HECW1: variants seen among roughly 807,000 people sequenced by gnomAD.
HECW1 encodes E3 ubiquitin-protein ligase HECW1.
Under a neutral mutation model 182.3 loss-of-function variants are expected in HECW1, and 61 were observed. The observed-to-expected ratio is 0.33, with a 90% CI of 0.27 to 0.41. The LOEUF (loss-of-function observed/expected upper bound fraction) is 0.41. Ranked by LOEUF, HECW1 falls within the 10% of genes least tolerant of loss-of-function variation. The pLI, the probability that HECW1 is intolerant of heterozygous loss-of-function variation, is 1.00. For missense variants in HECW1, 1,739 were observed against 2,108.9 expected (o/e 0.82, Z 3.44); for synonymous variants, 859 against 832.6 (o/e 1.03, Z -0.55).
rs111671101 is a variant in HECW1, at chr7:43,140,535, G to A, written c.-32+26144G>A. Among the ~76,000 whole-genome samples, 748 of 152,264 alleles carry A rather than the reference G, an allele frequency of 4.9e-3. 3 individuals are homozygous for A. The highest frequency in any genetic ancestry group is 0.017 in the African/African-American group (705 of 41,546). ...ATCGAATCCATCGTTTCTGGCCTTCGTGGTCCCTCATTTATCTTCTTTTGT... is the reference window on the plus strand; with the variant it reads ...ATCGAATCCATCGTTTCTGGCCTTCATGGTCCCTCATTTATCTTCTTTTGT... On this transcript the variant is annotated intron_variant, in intron 2 of 29. Coordinates refer to ENST00000395891, the MANE Select transcript of HECW1 (RefSeq NM_015052.5).
rs554600178 is a variant in HECW1, at chr7:43,194,281, G to A, written c.-31-49594G>A. 4 of 152,222 alleles carry A rather than the reference G, an allele frequency of 2.6e-5. No individual in the cohort carries two copies. In the East Asian group the frequency reaches 7.7e-4, roughly 29 times the overall value. 9.4% of individuals were successfully genotyped at this position (152,222 alleles called of 1,614,324 possible). ...CCATGGTAATTTCTGTATTTAGTCA[G>A]CATTTAATCACTAAAACTTAATCTT... On this transcript the variant is annotated intron_variant, in intron 2 of 29. Transcript: ENST00000395891.
intron 2 of HECW1, among the ~76,000 whole-genome samples, chr7:43,205,340 C>A (rs1009056501): frequency 3.9e-5 from 6 of 152,138 alleles, no homozygotes; most frequent in African/African-American, 1.4e-4. Context: ...GCCTTGGCCT[C>A]CCAAACAAAC....
intron 28 of HECW1, among the ~76,000 whole-genome samples, chr7:43,553,293 G>T (rs1014597302): frequency 6.6e-6 from 1 of 152,134 alleles, no homozygotes; most frequent in Non-Finnish European, 1.5e-5. Flanking sequence ...TAGAGAGTGA[G>T]CTGGGGGCAT....
chr7:43,277,183 C>T lies in HECW1; in HGVS notation c.27+33251C>T, dbSNP rs79989657. Among the ~76,000 whole-genome samples the T allele has an allele frequency of 5.7e-3, 867 of 152,294 alleles. 4 individuals are homozygous for T. Among genetic ancestry groups the T allele is most frequent in the Middle Eastern group, 0.027 (8 of 294 alleles). Reference sequence around the variant, plus strand: ...GAAGATGAACAAACCTCCCTTATCTCCTCTCCATCCTCCTACTCAGGCAAT... The same window carrying T: ...GAAGATGAACAAACCTCCCTTATCTTCTCTCCATCCTCCTACTCAGGCAAT... On this transcript the variant is annotated intron_variant, in intron 3 of 29. Coordinates refer to ENST00000395891, the MANE Select transcript of HECW1 (RefSeq NM_015052.5).
chr7:43,338,539 G>A (rs925997805), intron 5 of HECW1, among the ~76,000 whole-genome samples: 3 of 152,008 alleles, frequency 2.0e-5, no homozygotes, highest in Admixed American at 1.3e-4. Flanking sequence ...TGCTTAGCTC[G>A]TTGGTTTGTA....
intron 2 of HECW1, among the ~76,000 whole-genome samples, chr7:43,196,219 T>C (rs1476826544): frequency 6.6e-6 from 1 of 152,196 alleles, no homozygotes; most frequent in Non-Finnish European, 1.5e-5. Context: ...CTCCTTCCTC[T>C]CCAATACTGT....
At chr7:43,278,581 C>T (rs1473051084) in intron 3 of HECW1, among the ~76,000 whole-genome samples, 2 of 152,108 alleles carry the variant, frequency 1.3e-5, no homozygotes, top group Admixed American at 6.5e-5. Context: ...CCATGGCCTC[C>T]GAGGCTCTAT....
At chr7:43,286,072 C>T (rs1804599208) in intron 3 of HECW1, among the ~76,000 whole-genome samples, 1 of 151,948 alleles carries the variant, frequency 6.6e-6, no homozygotes, top group Admixed American at 6.6e-5. Context: ...GAGCCATGTC[C>T]AAGATGGAAA....
chr7:43,377,908 C>G (rs1445101379), intron 6 of HECW1: 1 of 189,072 alleles, frequency 5.3e-6, no homozygotes, highest in Admixed American at 6.2e-5. Context: ...AATGGCTGCT[C>G]TGGCAGAACA....
intron 11 of HECW1, 118 bp downstream of exon 11, chr7:43,445,688 T>C: frequency 8.0e-7 from 1 of 1,248,946 alleles, no homozygotes; most frequent in Non-Finnish European, 1.1e-6. Context: ...GCTGGGGCAA[T>C]GTATGCCTGT....
chr7:43,201,245 G>C (rs1417582670), intron 2 of HECW1, among the ~76,000 whole-genome samples: 3 of 152,204 alleles, frequency 2.0e-5, no homozygotes, highest in African/African-American at 7.2e-5. Flanking sequence ...CACTCCAATG[G>C]AAGAGGCAGT....
intron 7 of HECW1, among the ~76,000 whole-genome samples, chr7:43,405,279 AAT>A (rs1001728902): frequency 6.6e-6 from 1 of 151,962 alleles, no homozygotes; most frequent in Non-Finnish European, 1.5e-5. Context: ...TTCACACTCT[AAT>A]AAGTCAGGAT....
intron 3 of HECW1, among the ~76,000 whole-genome samples, chr7:43,287,950 C>G (rs973533231): frequency 6.6e-6 from 1 of 152,148 alleles, no homozygotes; most frequent in Non-Finnish European, 1.5e-5. Flanking sequence ...GGGAAGAGCA[C>G]ATTTAAGGCT....
At chr7:43,355,923 A>C (rs1019894319) in intron 5 of HECW1, among the ~76,000 whole-genome samples, 1 of 152,186 alleles carries the variant, frequency 6.6e-6, no homozygotes, top group Non-Finnish European at 1.5e-5. Flanking sequence ...CAGGAGGCGG[A>C]GGTTGCAGTG....
At chr7:43,371,003 T>C (rs1817285380) in intron 6 of HECW1, among the ~76,000 whole-genome samples, 1 of 151,762 alleles carries the variant, frequency 6.6e-6, no homozygotes, top group South Asian at 2.1e-4. Flanking sequence ...TTCTACTGCC[T>C]CAGCCTCCCG....
chr7:43,228,903 GA>G (rs1797655231), intron 2 of HECW1, among the ~76,000 whole-genome samples: 2 of 152,142 alleles, frequency 1.3e-5, no homozygotes, highest in South Asian at 4.1e-4. Flanking sequence ...AAAAGAAAAG[GA>G]AAAACAAATG....
intron 7 of HECW1, among the ~76,000 whole-genome samples, chr7:43,400,153 T>G (rs547069928): frequency 6.6e-6 from 1 of 152,318 alleles, no homozygotes; most frequent in East Asian, 1.9e-4. Context: ...GGAGGATCAC[T>G]TGAGCCCAGG....
At chr7:43,353,890 CA>C (rs1468869364) in intron 5 of HECW1, among the ~76,000 whole-genome samples, 4 of 152,112 alleles carry the variant, frequency 2.6e-5, no homozygotes, top group African/African-American at 9.7e-5. Context: ...ATAGCTCAGC[CA>C]AAGGAGACAC....
At chr7:43,278,380 C>T (rs568968072) in intron 3 of HECW1, among the ~76,000 whole-genome samples, 98 of 152,234 alleles carry the variant, frequency 6.4e-4, no homozygotes, top group South Asian at 2.1e-3. Flanking sequence ...GATCGTCTCT[C>T]GGCACATCCG....
Sources: allele counts gnomAD v4.1 joint callset (sites outside exome capture counted in the v4.1 genomes callset), GRCh38; gene constraint gnomAD v4.1.1; transcripts MANE v1.5; gene names NCBI Gene and HGNC (gene_info 2026-07-23, HGNC 2026-07-21).